ZNF34: variants seen among roughly 807,000 people sequenced by gnomAD.
ZNF34 encodes zinc finger protein 34.
Under a neutral mutation model 14.4 loss-of-function variants are expected in ZNF34, and 8 were observed. The ratio of observed to expected loss-of-function variants is 0.55; its 90% CI spans 0.33 to 1.00. The LOEUF is 1.00. Among genes scored for constraint, ZNF34 ranks in the 50% least tolerant of loss-of-function variants. The probability of loss-of-function intolerance (pLI) is 0.03; values close to 1 mark genes in which losing one functional copy is unlikely to be tolerated. For missense variants in ZNF34, 538 were observed against 674.2 expected (o/e 0.80, Z 2.24); for synonymous variants, 235 against 247.9 (o/e 0.95, Z 0.49).
chr8:144,773,920 G>C lies in ZNF34; in HGVS notation c.966C>G (p.His322Gln). Residue 322 changes from histidine to glutamine, a missense_variant, in exon 6 of 6, where the codon CAC (histidine) becomes CAG (glutamine). By Grantham distance (24) the His-to-Gln change is conservative (BLOSUM62 0). Coordinates refer to ENST00000429371, the MANE Select transcript of ZNF34 (RefSeq NM_001286769.2). This position sits in a 1 kb window ranked among gnomAD's most constrained non-coding sequence, Gnocchi z 5.4. ...AAATCAGGGAAGAGTAGGCGCTAAA[G>C]TGCTTCCCACACTCCCCACACTTGT... ...KPYKCGECGK[H>Q]FSAYSSLIYH... is the part of the protein sequence containing the mutation. 1 of 1,614,008 alleles carries C rather than the reference G, an allele frequency of 6.2e-7. No individual in the cohort carries two copies. The highest frequency in any genetic ancestry group is 2.2e-5 in the East Asian group (1 of 44,872).
Position 144,779,231 on chromosome 8 carries a change from C to A in ZNF34, c.-54-706G>T, listed in dbSNP as rs1433787663. On this transcript the variant is annotated intron_variant, in intron 2 of 5. Transcript: ENST00000429371. The surrounding 1 kb of genome is among the most constrained non-coding windows in gnomAD (Gnocchi z 4.1). ...TGTGCACAGACTTGTTGGTTCCTTGCTTCTTGCTCTCCCAGGCTCATAAAC... is the reference window on the plus strand; with the variant it reads ...TGTGCACAGACTTGTTGGTTCCTTGATTCTTGCTCTCCCAGGCTCATAAAC... Among the ~76,000 whole-genome samples, 2 of 152,180 alleles carry A rather than the reference C, an allele frequency of 1.3e-5. No individual in the cohort carries two copies. The highest frequency in any genetic ancestry group is 2.9e-5 in the Non-Finnish European group (2 of 68,036).
chr8:144,774,891 G>T (rs2953856), intron 5 of ZNF34, among the ~76,000 whole-genome samples: 58,140 of 151,968 alleles, frequency 0.38, 13,037 homozygotes, highest in East Asian at 0.69. Flanking sequence ...ACCCAAGTGG[G>T]GTCCTGCCAC....
chr8:144,780,254 T>C lies in ZNF34; in HGVS notation c.-81A>G, dbSNP rs1825780460. 3.9e-6 allele frequency: 6 copies of C among 1,550,398 alleles called. No individual in the cohort carries two copies. In the East Asian group the frequency reaches 1.5e-4, roughly 38 times the overall value. On this transcript the variant is annotated 5_prime_UTR_variant, in exon 2 of 6. Coordinates refer to ENST00000429371, the MANE Select transcript of ZNF34 (RefSeq NM_001286769.2). ...TACCAGAAGCATGAGACTCTCGGAT[T>C]AGATACATGTGATGCAACTATTTGG...
intron 5 of ZNF34, among the ~76,000 whole-genome samples, chr8:144,776,626 C>T (rs1474615059): frequency 6.7e-6 from 1 of 149,290 alleles, no homozygotes; most frequent in African/African-American, 2.5e-5. Flanking sequence ...GCATCTGAGC[C>T]AGGTGCAGTG....
chr8:144,775,428 G>A (rs1825448431), intron 5 of ZNF34, among the ~76,000 whole-genome samples: 2 of 152,220 alleles, frequency 1.3e-5, no homozygotes, highest in Non-Finnish European at 2.9e-5. Flanking sequence ...ATGCACAAGA[G>A]TGTCCACAGC....
chr8:144,787,082 G>A (rs1287175931), intron 1 of ZNF34, among the ~76,000 whole-genome samples, 197 bp downstream of exon 1: 1 of 151,844 alleles, frequency 6.6e-6, no homozygotes, highest in Non-Finnish European at 1.5e-5. Context: ...CCCAGGGCTG[G>A]CAGAGAGCGG....
At chr8:144,780,843 C>G (rs113319518) in intron 1 of ZNF34, among the ~76,000 whole-genome samples, 1,932 of 150,892 alleles carry the variant, frequency 0.013, 44 homozygotes, top group African/African-American at 0.044. Context: ...AAAAAAAACA[C>G]TGCATATTAC....
Position 144,777,382 on chromosome 8 carries a change from T to C in ZNF34, c.280+76A>G. ...TGAATCTGGCCCACAAACTCCTGAT[T>C]CATTAATCAGACACCCTGGACCCCA... On this transcript the variant is annotated intron_variant, in intron 5 of 5. Transcript: ENST00000429371. This position sits in a 1 kb window ranked among gnomAD's most constrained non-coding sequence, Gnocchi z 4.8. 6.6e-7 allele frequency: 1 copy of C among 1,505,868 alleles called. No individual in the cohort carries two copies. Among genetic ancestry groups the C allele is most frequent in the South Asian group, 1.3e-5 (1 of 78,420 alleles). 93.3% of individuals were successfully genotyped at this position (1,505,868 alleles called of 1,614,324 possible).
Position 144,778,474 on chromosome 8 carries a change from C to G in ZNF34, c.-3G>C, listed in dbSNP as rs757559388. 2 of 1,592,632 alleles carry G rather than the reference C, an allele frequency of 1.3e-6. No homozygotes were observed. The highest frequency in any genetic ancestry group is 8.5e-7 in the Non-Finnish European group (1 of 1,169,892). On this transcript the variant is annotated 5_prime_UTR_variant, in exon 3 of 6. Transcript: ENST00000429371. The stretch of plus-strand genomic sequence containing the variant: ...GCAGACAGGAACAAGGCCGCCATTG[C>G]CTGAGGGTTGGGCTTTCTGAGGGCA...
In ZNF34 at chr8:144,777,414, G is replaced by C; in HGVS notation, c.280+44C>G. The C allele has an allele frequency of 1.3e-6, 2 of 1,546,114 alleles. No individual in the cohort carries two copies. The highest frequency in any genetic ancestry group is 1.7e-4 in the Middle Eastern group (1 of 5,812). Reference sequence around the variant, plus strand: ...TCAGACACCCTGGACCCCAATAAAGGCTCGTTCGGTGACTTGAGTTGGGGA... The same window carrying C: ...TCAGACACCCTGGACCCCAATAAAGCCTCGTTCGGTGACTTGAGTTGGGGA... On this transcript the variant is annotated intron_variant, in intron 5 of 5. Transcript: ENST00000429371. The surrounding 1 kb of genome is among the most constrained non-coding windows in gnomAD (Gnocchi z 4.8).
chr8:144,785,350 C>T (rs1011907466), intron 1 of ZNF34: 2 of 152,216 alleles, frequency 1.3e-5, no homozygotes, highest in African/African-American at 4.8e-5. Context: ...AGGAGGATCA[C>T]TTGAATCTAG....
At position 144,774,240 on chromosome 8, in the gene ZNF34, C is replaced by T; in HGVS notation, c.646G>A (p.Val216Ile). The T allele has an allele frequency of 6.2e-7, 1 of 1,613,942 alleles. No individual in the cohort carries two copies. Among genetic ancestry groups the T allele is most frequent in the African/African-American group, 1.3e-5 (1 of 75,044 alleles). ...NSGEIFSANL[V>I]VKEDQKIPTG... The stretch of plus-strand genomic sequence containing the variant: ...GGAATTTTCTGATCTTCTTTAACAA[C>T]TAAGTTTGCACTGAAGATTTCCCCA... The change falls in exon 6 of 6, where the codon GTT (valine) becomes ATT (isoleucine). Residue 216 changes from valine to isoleucine, a missense_variant. Physicochemically the swap from Val to Ile is conservative, Grantham distance 29. This residue lies in a region of ZNF34 where 431 missense variants were observed against 525.7 expected (regional missense o/e 0.82). Transcript: ENST00000429371.
Position 144,777,133 on chromosome 8 carries a change from C to T in ZNF34, c.280+325G>A, listed in dbSNP as rs2953861. On this transcript the variant is annotated intron_variant, in intron 5 of 5. Transcript: ENST00000429371. The surrounding 1 kb of genome is among the most constrained non-coding windows in gnomAD (Gnocchi z 4.8). ...TCATTATCTGGCATCAGCTCTGGAG[C>T]GCAGGGTTCTGTGGGGTTCCGCAGA... Among the ~76,000 whole-genome samples, 8 of 151,788 alleles carry T rather than the reference C, an allele frequency of 5.3e-5. No homozygotes were observed. Among genetic ancestry groups the T allele is most frequent in the Non-Finnish European group, 7.4e-5 (5 of 67,972 alleles).
Position 144,778,454 on chromosome 8 carries a change from C to G in ZNF34, c.18G>C (p.Leu6=). The part of the protein sequence containing the change: MAALF[L]SAPPQAEVTF... The stretch of plus-strand genomic sequence containing the variant: ...AGACACTCACCTGGGGTGGGGCAGA[C>G]AGGAACAAGGCCGCCATTGCCTGAG... The change falls in exon 3 of 6, where the codon CTG becomes CTC. Residue 6 remains leucine, a synonymous_variant. Transcript: ENST00000429371. The G allele has an allele frequency of 6.3e-7, 1 of 1,585,962 alleles. No homozygotes were observed. The highest frequency in any genetic ancestry group is 8.6e-7 in the Non-Finnish European group (1 of 1,166,552).
chr8:144,782,271 G>A (rs979397683), intron 1 of ZNF34, among the ~76,000 whole-genome samples: 1 of 152,010 alleles, frequency 6.6e-6, no homozygotes, highest in Non-Finnish European at 1.5e-5. Flanking sequence ...ACAGTGAGCC[G>A]AGATCGCACC....
At chr8:144,785,050 G>T (rs988889006) in intron 1 of ZNF34, among the ~76,000 whole-genome samples, 11 of 145,330 alleles carry the variant, frequency 7.6e-5, no homozygotes, top group African/African-American at 2.6e-4. Context: ...GTGGGAGATG[G>T]AGGCTGCAGG....
In ZNF34 at chr8:144,777,561, G is replaced by A; in HGVS notation, c.177C>T (p.Gly59=). 1 of 1,552,474 alleles carries A rather than the reference G, an allele frequency of 6.4e-7. No homozygotes were observed. Among genetic ancestry groups the A allele is most frequent in the Non-Finnish European group, 8.7e-7 (1 of 1,147,446 alleles). ...NLVSLGVGPA[G]PKPGVISQLE... ...ACTGCGAGATCACTCCAGGCTTGGG[G>A]CCTGCAGGTCCTACTCCTGGGAAGG... Residue 59 remains glycine, a synonymous_variant, in exon 5 of 6, where the codon GGC becomes GGT. Coordinates refer to ENST00000429371, the MANE Select transcript of ZNF34 (RefSeq NM_001286769.2). The surrounding 1 kb of genome is among the most constrained non-coding windows in gnomAD (Gnocchi z 4.8).
In ZNF34 at chr8:144,773,218, A is replaced by G. The variant is rs111939091; in HGVS notation, c.*48T>C. 5.7e-4 allele frequency: 874 copies of G among 1,540,542 alleles called. 1 individual carries two copies. Among genetic ancestry groups the G allele is most frequent in the Non-Finnish European group, 7.2e-4 (821 of 1,141,114 alleles). ...GGGCAGAGTCAGGTGCCGGGGGCGC[A>G]TGCAGGAAGTGCTCAGCTGGACTCT... On this transcript the variant is annotated 3_prime_UTR_variant, in exon 6 of 6. Coordinates refer to ENST00000429371, the MANE Select transcript of ZNF34 (RefSeq NM_001286769.2). The surrounding 1 kb of genome is among the most constrained non-coding windows in gnomAD (Gnocchi z 5.4).
In ZNF34 at chr8:144,779,156, C is replaced by T. The variant is rs1341785707; in HGVS notation, c.-54-631G>A. On this transcript the variant is annotated intron_variant, in intron 2 of 5. Transcript: ENST00000429371. The surrounding 1 kb of genome is among the most constrained non-coding windows in gnomAD (Gnocchi z 4.1). ...GCTCAGGGCACAAAACCCCTCGTGG[C>T]TTGGATGGAATCCAGGGCTCAGGGC... Among the ~76,000 whole-genome samples the T allele has an allele frequency of 6.6e-6, 1 of 152,166 alleles. No homozygotes were observed. The highest frequency in any genetic ancestry group is 1.5e-5 in the Non-Finnish European group (1 of 68,022).
Sources: gnomAD v4.1 joint callset for allele counts (sites outside exome capture counted in the v4.1 genomes callset) on GRCh38, gnomAD v4.1.1 for gene constraint, gnomAD v4.1.1 regional missense constraint, Gnocchi (gnomAD v3.1) non-coding constraint, MANE v1.5 for transcripts, NCBI Gene and HGNC (gene_info 2026-07-23, HGNC 2026-07-21) for gene names.